Variants in STX8 observed in about 807,000 individuals in gnomAD.
STX8 encodes the protein syntaxin 8.
A neutral mutation model predicts 37.5 loss-of-function variants in STX8; 23 were observed. That is an observed-to-expected ratio of 0.61 (90% CI 0.44 to 0.87). The LOEUF is 0.87. STX8 is among the 40% of genes least tolerant of loss of function. The pLI, the probability that STX8 is intolerant of heterozygous loss-of-function variation, is 0.00. For missense variants in STX8, 313 were observed against 284.7 expected, an observed-to-expected ratio of 1.10 and a Z score of -0.71; for synonymous variants, 115 against 99.1, an observed-to-expected ratio of 1.16 and a Z score of -0.95.
intron 6 of STX8, among the ~76,000 whole-genome samples, chr17:9,477,518 T>C (rs775082304): frequency 1.8e-4 from 27 of 152,176 alleles, no homozygotes; most frequent in Non-Finnish European, 3.5e-4. Context: ...ATCATGAACA[T>C]TAAAACCTCT....
At chr17:9,362,554 C>A (rs1014640012) in intron 7 of STX8, among the ~76,000 whole-genome samples, 1 of 152,032 alleles carries the variant, frequency 6.6e-6, no homozygotes, top group African/African-American at 2.4e-5. Flanking sequence ...CGCGGTGGCT[C>A]ACACCTATAA....
At chr17:9,457,085 T>C (rs1905206470) in intron 6 of STX8, among the ~76,000 whole-genome samples, 2 of 152,130 alleles carry the variant, frequency 1.3e-5, no homozygotes, top group South Asian at 4.1e-4. Context: ...TGCTCTAGAG[T>C]TGGCTAATGC....
chr17:9,417,924 T>C (rs1913257833), intron 6 of STX8, among the ~76,000 whole-genome samples: 1 of 152,216 alleles, frequency 6.6e-6, no homozygotes, highest in African/African-American at 2.4e-5. Flanking sequence ...CTTCTGGACC[T>C]TGCCCTAAGT....
chr17:9,379,697 G>C, intron 6 of STX8, among the ~76,000 whole-genome samples: 1 of 151,980 alleles, frequency 6.6e-6, no homozygotes, highest in Non-Finnish European at 1.5e-5. Context: ...GGCTGGGCAC[G>C]GTGGCTCACA....
intron 3 of STX8, among the ~76,000 whole-genome samples, chr17:9,550,794 G>T (rs1906730792): frequency 6.6e-6 from 1 of 152,140 alleles, no homozygotes; most frequent in Admixed American, 6.5e-5. Flanking sequence ...AAGAATTTAG[G>T]CTGGGCACAG....
At chr17:9,460,680 A>AAC (rs932801849) in intron 6 of STX8, among the ~76,000 whole-genome samples, 5 of 148,320 alleles carry the variant, frequency 3.4e-5, no homozygotes, top group Admixed American at 1.3e-4. Flanking sequence ...TCTCAAAAAA[A>AAC]AAAAAAAACA....
At chr17:9,415,421 C>T (rs750961773) in intron 6 of STX8, among the ~76,000 whole-genome samples, 7 of 152,124 alleles carry the variant, frequency 4.6e-5, no homozygotes, top group African/African-American at 7.2e-5. Context: ...AACCTGGCTT[C>T]TACTCTACAT....
intron 7 of STX8, among the ~76,000 whole-genome samples, chr17:9,296,216 C>G (rs550771845): frequency 6.7e-6 from 1 of 149,308 alleles, no homozygotes; most frequent in Non-Finnish European, 1.5e-5. Flanking sequence ...CATGGTGGTG[C>G]ATGCCTGTAA....
At chr17:9,490,465 G>A (rs1363489113) in intron 6 of STX8, among the ~76,000 whole-genome samples, 2 of 152,080 alleles carry the variant, frequency 1.3e-5, no homozygotes, top group African/African-American at 2.4e-5. Context: ...TCCGCCTCCT[G>A]GGTTCTAGCA....
chr17:9,283,431 C>T (rs996133416), intron 7 of STX8, among the ~76,000 whole-genome samples: 5 of 152,106 alleles, frequency 3.3e-5, no homozygotes, highest in African/African-American at 1.2e-4. Flanking sequence ...ATCCCAGTTA[C>T]TCAGGAGGCT....
Position 9,507,790 on chromosome 17 carries a change from C to T in STX8, c.324-2628G>A, listed in dbSNP as rs943037028. On this transcript the variant is annotated intron_variant, in intron 4 of 7. Coordinates refer to ENST00000306357, the MANE Select transcript of STX8 (RefSeq NM_004853.3). This position sits in a 1 kb window ranked among gnomAD's most constrained non-coding sequence, Gnocchi z 4.0. ...CCACAAAGCCTCTCAGCTGAGGCCA[C>T]TGAGACACTCACAAATGTCACTGGC... 1.6e-4 allele frequency among the ~76,000 whole-genome samples: 24 copies of T among 152,202 alleles called. No homozygotes were observed. The highest frequency in any genetic ancestry group is 1.5e-3 in the Admixed American group (23 of 15,278).
At chr17:9,327,186 AGAAGAAG>A (rs1264582496) in intron 7 of STX8, among the ~76,000 whole-genome samples, 181 of 150,766 alleles carry the variant, frequency 1.2e-3, no homozygotes, top group South Asian at 2.1e-3. Flanking sequence ...AGAAGAAGGA[AGAAGAAG>A]GAAGAAGGAA....
At chr17:9,401,687 T>C (rs1912623282) in intron 6 of STX8, among the ~76,000 whole-genome samples, 1 of 152,204 alleles carries the variant, frequency 6.6e-6, no homozygotes, top group African/African-American at 2.4e-5. Flanking sequence ...ATCACCTTGG[T>C]TTCTCCATAT....
intron 7 of STX8, among the ~76,000 whole-genome samples, chr17:9,278,731 G>T (rs1241802354): frequency 1.3e-5 from 2 of 152,014 alleles, no homozygotes; most frequent in African/African-American, 2.4e-5. Flanking sequence ...CAGGTTGAGA[G>T]CCCAAAGAAG....
rs566259246 is a variant in STX8 at position 9,551,993 on chromosome 17, A to G, written c.212+5441T>C. 1.1e-4 allele frequency among the ~76,000 whole-genome samples: 16 copies of G among 152,336 alleles called. No homozygotes were observed. In the East Asian group the frequency reaches 2.7e-3, roughly 26 times the overall value. On this transcript the variant is annotated intron_variant, in intron 3 of 7. Coordinates refer to ENST00000306357, the MANE Select transcript of STX8 (RefSeq NM_004853.3). ...AACAAAACTATCTACTTTTACTATCATGGTGAAAAAGCAAGGAGATTTTAA... is the reference window on the plus strand; with the variant it reads ...AACAAAACTATCTACTTTTACTATCGTGGTGAAAAAGCAAGGAGATTTTAA...
chr17:9,429,830 A>G lies in STX8; in HGVS notation c.542-51177T>C, dbSNP rs1199051768. Among the ~76,000 whole-genome samples, 21 of 3,420 alleles carry G rather than the reference A, an allele frequency of 6.1e-3. 6 individuals carry two copies. The highest frequency in any genetic ancestry group is 0.025 in the African/African-American group (21 of 828). The allele number at this position is 3,420 out of a possible 152,430, so 2.2% of individuals were successfully genotyped here. Reference sequence around the variant, plus strand: ...ATATATTTTATATATTATATATTATATATATTATATATAATATATAATATA... The same window carrying G: ...ATATATTTTATATATTATATATTATGTATATTATATATAATATATAATATA... On this transcript the variant is annotated intron_variant, in intron 6 of 7. Coordinates refer to ENST00000306357, the MANE Select transcript of STX8 (RefSeq NM_004853.3).
chr17:9,420,427 T>C (rs572531746), intron 6 of STX8, among the ~76,000 whole-genome samples: 10 of 152,288 alleles, frequency 6.6e-5, no homozygotes, highest in Admixed American at 6.5e-4. Flanking sequence ...TGCCTATCAG[T>C]TCCATTCTAA....
intron 7 of STX8, among the ~76,000 whole-genome samples, chr17:9,256,033 C>A (rs1464649528): frequency 6.6e-6 from 1 of 152,184 alleles, no homozygotes. Context: ...TGAGCCACAC[C>A]GTTCATGAAA....
chr17:9,528,706 G>A (rs1303902641), intron 4 of STX8, among the ~76,000 whole-genome samples: 9 of 151,996 alleles, frequency 5.9e-5, no homozygotes. Context: ...AGGGAATACG[G>A]AAAGGGAAGA....
Sources: gnomAD v4.1 joint callset for allele counts (sites outside exome capture counted in the v4.1 genomes callset) on GRCh38, gnomAD v4.1.1 for gene constraint, Gnocchi (gnomAD v3.1) non-coding constraint, MANE v1.5 for transcripts, NCBI Gene and HGNC (gene_info 2026-07-23, HGNC 2026-07-21) for gene names.